The following PLCG2 variants were observed in gnomAD, a reference collection of about 807,000 sequenced individuals.
The protein encoded by PLCG2 is phospholipase C gamma 2.
PLCG2 carries 69 observed loss-of-function variants against 175.6 expected under a neutral mutation model. The ratio of observed to expected loss-of-function variants is 0.39; its 90% CI spans 0.32 to 0.48. The LOEUF is 0.48. PLCG2 is among the 20% of genes least tolerant of loss of function. The pLI, the probability that PLCG2 is intolerant of heterozygous loss-of-function variation, is 0.91. For missense variants in PLCG2, 1,798 were observed against 1,650.9 expected, an observed-to-expected ratio of 1.09 and a Z score of -1.54; for synonymous variants, 827 against 624.0, an observed-to-expected ratio of 1.33 and a Z score of -4.85.
intron 2 of PLCG2, among the ~76,000 whole-genome samples, chr16:81,765,969 T>C (rs2143097726): frequency 6.6e-6 from 1 of 152,364 alleles, no homozygotes; most frequent in East Asian, 1.9e-4. Flanking sequence ...GCATTTGCTG[T>C]GAGTCACAAG....
At chr16:81,833,041 G>A (rs988858734) in intron 2 of PLCG2, among the ~76,000 whole-genome samples, 27 of 152,196 alleles carry the variant, frequency 1.8e-4, no homozygotes, top group African/African-American at 6.5e-4. Context: ...GTCCAGAAGC[G>A]GAAGGCAACC....
intron 11 of PLCG2, among the ~76,000 whole-genome samples, chr16:81,892,562 C>G (rs1179823013): frequency 6.6e-6 from 1 of 152,110 alleles, no homozygotes; most frequent in Non-Finnish European, 1.5e-5. Flanking sequence ...TCACAGTTCT[C>G]TCTTCCCCAC....
chr16:81,865,504 C>A (rs1482691452), intron 5 of PLCG2, among the ~76,000 whole-genome samples: 2 of 152,162 alleles, frequency 1.3e-5, no homozygotes, highest in African/African-American at 2.4e-5. Context: ...GCTCCCATGT[C>A]CCAGGTGCTT....
At chr16:81,795,996 C>T (rs1911453501) in intron 2 of PLCG2, among the ~76,000 whole-genome samples, 1 of 152,146 alleles carries the variant, frequency 6.6e-6, no homozygotes, top group Admixed American at 6.5e-5. Context: ...TTCTGTAACC[C>T]CTAATTTTGG....
At chr16:81,781,469 C>T (rs1164992936) in intron 1 of PLCG2, among the ~76,000 whole-genome samples, 2 of 151,600 alleles carry the variant, frequency 1.3e-5, no homozygotes, top group South Asian at 4.2e-4. Flanking sequence ...GATTTTCTGT[C>T]GTACATATTG....
In PLCG2 at chr16:81,921,116, G is replaced by C. The variant is rs1357586336; in HGVS notation, c.2236-82G>C. The stretch of plus-strand genomic sequence containing the variant: ...TCTATCAAAGGATAGGTAACCATAA[G>C]GAAGCCTAGAACCCTTGTTATATGT... On this transcript the variant is annotated intron_variant, in intron 20 of 32. Coordinates refer to ENST00000564138, the MANE Select transcript of PLCG2 (RefSeq NM_002661.5). The C allele has an allele frequency of 8.5e-6, 7 of 828,156 alleles. No individual in the cohort carries two copies. The South Asian group carries it at 9.2e-5, about 11-fold the overall frequency. 51.3% of individuals were successfully genotyped at this position (828,156 alleles called of 1,614,324 possible). A position where few individuals can be genotyped will look rare whatever the true frequency, so the allele number is the denominator to read the frequency against.
upstream of PLCG2, among the ~76,000 whole-genome samples, chr16:81,777,641 C>T (rs1278732450): frequency 1.6e-5 from 2 of 125,524 alleles, no homozygotes; most frequent in African/African-American, 3.2e-5. Context: ...GAAATGAATC[C>T]ACAGATCTTG....
chr16:81,882,169 C>A (rs1026714088), intron 8 of PLCG2, among the ~76,000 whole-genome samples: 3 of 152,210 alleles, frequency 2.0e-5, no homozygotes, highest in Non-Finnish European at 4.4e-5. Flanking sequence ...ATACCCATTA[C>A]CCTGGGAAGC....
At chr16:81,939,038 C>G (rs540733211) in intron 29 of PLCG2, 123 bp downstream of exon 29, 10 of 647,346 alleles carry the variant, frequency 1.5e-5, no homozygotes, top group Middle Eastern at 2.5e-4. Context: ...TTTCCTCCCT[C>G]TTGCCCACAT....
intron 19 of PLCG2, 149 bp downstream of exon 19, chr16:81,912,865 C>G (rs894618390): frequency 1.1e-5 from 11 of 1,021,792 alleles, no homozygotes; most frequent in Non-Finnish European, 5.5e-6. Context: ...CAGCAAAAGC[C>G]GCTGCGAGAA....
At chr16:81,952,220 T>C (rs1287659000) in intron 31 of PLCG2, among the ~76,000 whole-genome samples, 1 of 152,128 alleles carries the variant, frequency 6.6e-6, no homozygotes, top group Non-Finnish European at 1.5e-5. Context: ...TAATGTTGGA[T>C]TGGAATTGGA....
chr16:81,825,146 T>C (rs761204373), intron 2 of PLCG2, among the ~76,000 whole-genome samples: 2 of 152,214 alleles, frequency 1.3e-5, no homozygotes, highest in Non-Finnish European at 2.9e-5. Flanking sequence ...CCTGCATAAT[T>C]GCAAGATGGT....
intron 2 of PLCG2, among the ~76,000 whole-genome samples, chr16:81,843,623 G>A (rs546072322): frequency 1.3e-5 from 2 of 152,168 alleles, no homozygotes; most frequent in Non-Finnish European, 2.9e-5. Context: ...TGAACCCATT[G>A]CTAAGCATGT....
At chr16:81,893,829 C>G (rs764122200) in intron 12 of PLCG2, 35 bp downstream of exon 12, 3 of 1,370,786 alleles carry the variant, frequency 2.2e-6, no homozygotes, top group South Asian at 2.3e-5. Context: ...GTCAGGCTCG[C>G]AGCAAATTGA....
At chr16:81,952,107 TTAAA>T (rs1376883345) in intron 31 of PLCG2, among the ~76,000 whole-genome samples, 1 of 151,916 alleles carries the variant, frequency 6.6e-6, no homozygotes, top group African/African-American at 2.4e-5. Context: ...TAGGAGTAAT[TTAAA>T]TAAAGGTACA....
intron 2 of PLCG2, among the ~76,000 whole-genome samples, chr16:81,809,779 T>C (rs528267003): frequency 6.9e-4 from 95 of 136,896 alleles, no homozygotes; most frequent in African/African-American, 2.5e-3. Context: ...AGGGAGTGTC[T>C]GATGTCCCAG....
intron 8 of PLCG2, among the ~76,000 whole-genome samples, chr16:81,882,583 C>T (rs1457989017): frequency 1.3e-5 from 2 of 152,096 alleles, no homozygotes; most frequent in East Asian, 1.9e-4. Context: ...TCCCTGTGTT[C>T]CCCACACCTT....
At chr16:81,856,683 C>T (rs149016981) in intron 3 of PLCG2, among the ~76,000 whole-genome samples, 22 of 152,334 alleles carry the variant, frequency 1.4e-4, no homozygotes, top group African/African-American at 5.1e-4. Context: ...CAGTGGTACT[C>T]ATCCATGGGA....
chr16:81,846,952 C>G (rs971813477), intron 2 of PLCG2, among the ~76,000 whole-genome samples: 3 of 152,150 alleles, frequency 2.0e-5, no homozygotes, highest in South Asian at 2.1e-4. Context: ...TTGGTGTCCT[C>G]TAGTTCAGTT....
Sources: allele counts gnomAD v4.1 joint callset (sites outside exome capture counted in the v4.1 genomes callset), GRCh38; gene constraint gnomAD v4.1.1; transcripts MANE v1.5; gene names NCBI Gene and HGNC (gene_info 2026-07-23, HGNC 2026-07-21).